Variants in SYNE2 observed in about 807,000 individuals in gnomAD.
SYNE2 encodes spectrin repeat containing nuclear envelope protein 2.
Under a neutral mutation model 856.3 loss-of-function variants are expected in SYNE2, and 431 were observed. The observed-to-expected ratio is 0.50, with a 90% CI of 0.47 to 0.55. The LOEUF is 0.55. Among genes scored for constraint, SYNE2 ranks in the 20% least tolerant of loss-of-function variants. SYNE2 has a pLI of 0.00. For missense variants in SYNE2, 8,129 were observed against 8,023.2 expected (o/e 1.01, Z -0.50); for synonymous variants, 2,923 against 2,872.3 (o/e 1.02, Z -0.56).
intron 73 of SYNE2, among the ~76,000 whole-genome samples, chr14:64,128,218 C>G (rs2153675033): frequency 6.6e-6 from 1 of 151,778 alleles, no homozygotes; most frequent in South Asian, 2.1e-4. Context: ...TTCAAAATAG[C>G]CTGAAGGAAA....
chr14:63,883,384 G>T (rs1305446202), intron 1 of SYNE2, among the ~76,000 whole-genome samples: 1 of 151,610 alleles, frequency 6.6e-6, no homozygotes, highest in East Asian at 1.9e-4. Context: ...TAAAGTCAGG[G>T]TCTCGCTCTG....
intron 106 of SYNE2, 179 bp downstream of exon 106, chr14:64,214,649 C>T: frequency 4.7e-6 from 3 of 636,670 alleles, no homozygotes; most frequent in East Asian, 2.7e-5. Context: ...GGCTCACTCT[C>T]ATCACAGGTG....
Position 64,221,590 on chromosome 14 carries a change from G to A in SYNE2, c.20076G>A (p.Leu6692=). The A allele has an allele frequency of 6.2e-7, 1 of 1,614,178 alleles. No individual in the cohort carries two copies. Among genetic ancestry groups the A allele is most frequent in the South Asian group, 1.1e-5 (1 of 91,076 alleles). The change falls in exon 112 of 116, where the codon TTG becomes TTA. Residue 6692 remains leucine (L), a synonymous_variant. Transcript: ENST00000555002. ...TGTTTTTTAAGGACTTCCACCAGTT[G>A]AGTCAAAATCTGCTGCTGTGGTTAG... The part of the protein sequence containing the change: ...SLMQCQDFHQ[L]SQNLLLWLAS...
chr14:64,037,825 G>A (rs535197671), intron 45 of SYNE2, among the ~76,000 whole-genome samples: 35 of 148,540 alleles, frequency 2.4e-4, no homozygotes, highest in East Asian at 1.5e-3. Context: ...CGGACGGGGC[G>A]GCTGGCTGGG....
chr14:63,810,514 G>T (rs1000462044), intron 1 of SYNE2, among the ~76,000 whole-genome samples: 31 of 152,070 alleles, frequency 2.0e-4, no homozygotes, highest in African/African-American at 7.5e-4. Flanking sequence ...GAAAACTTGG[G>T]ATCATACCAC....
chr14:63,911,797 A>G (rs1425732656), intron 2 of SYNE2, among the ~76,000 whole-genome samples: 1 of 152,226 alleles, frequency 6.6e-6, no homozygotes, highest in Admixed American at 6.5e-5. Context: ...GGCATCTTTA[A>G]GTAATATTAG....
At chr14:63,882,143 TGTG>T (rs1187588278) in intron 1 of SYNE2, among the ~76,000 whole-genome samples, 1 of 152,140 alleles carries the variant, frequency 6.6e-6, no homozygotes, top group Non-Finnish European at 1.5e-5. Flanking sequence ...GCCGCCTGCT[TGTG>T]GTCATGGTAT....
Position 64,024,257 on chromosome 14 carries a change from G to T in SYNE2, c.5638G>T (p.Asp1880Tyr). The change falls in exon 39 of 116, where the codon GAT becomes TAT. Residue 1880 changes from aspartate to tyrosine, a missense_variant and splice_region_variant. Physicochemically the swap from Asp to Tyr is radical, Grantham distance 160. This residue lies in a region of SYNE2 where 2,422 missense variants were observed against 2,357.4 expected (regional missense o/e 1.03). Coordinates refer to ENST00000555002, the MANE Select transcript of SYNE2 (RefSeq NM_182914.3). ...SVEQKLQKLS[D>Y]FLTLEGRNSK... ...TAATGGACTTTTTGTCTTTCTGAAG[G>T]ATTTCTTGACTCTTGAAGGAAGAAA... 1 of 1,613,778 alleles carries T rather than the reference G, an allele frequency of 6.2e-7. No individual in the cohort carries two copies. Among genetic ancestry groups the T allele is most frequent in the South Asian group, 1.1e-5 (1 of 90,962 alleles).
At chr14:63,949,253 G>C (rs934572964) in intron 6 of SYNE2, among the ~76,000 whole-genome samples, 1 of 151,790 alleles carries the variant, frequency 6.6e-6, no homozygotes, top group African/African-American at 2.4e-5. Flanking sequence ...ACCATCACTG[G>C]GTATTGCCTT....
At chr14:63,778,972 C>T (rs1394176099) in intron 1 of SYNE2, among the ~76,000 whole-genome samples, 1 of 151,870 alleles carries the variant, frequency 6.6e-6, no homozygotes, top group East Asian at 1.9e-4. Context: ...TAAGCACATA[C>T]AATTTTATTT....
chr14:63,975,384 G>A (rs1035636368), intron 11 of SYNE2, among the ~76,000 whole-genome samples: 2 of 152,178 alleles, frequency 1.3e-5, no homozygotes, highest in African/African-American at 4.8e-5. Context: ...CCAGGCTGGA[G>A]TGCAGTGGCA....
At chr14:63,814,506 A>ACCT (rs1888765646) in intron 1 of SYNE2, among the ~76,000 whole-genome samples, 3 of 112,130 alleles carry the variant, frequency 2.7e-5, no homozygotes, top group South Asian at 2.9e-4. Context: ...CATATATATA[A>ACCT]TATATATATC....
chr14:63,882,208 A>G (rs2094881087), intron 1 of SYNE2, among the ~76,000 whole-genome samples: 1 of 152,192 alleles, frequency 6.6e-6, no homozygotes, highest in Non-Finnish European at 1.5e-5. Context: ...ATCCTGACAA[A>G]TGTCAACTTG....
intron 45 of SYNE2, chr14:64,034,450 T>G (rs2097069464): frequency 4.3e-6 from 2 of 460,208 alleles, no homozygotes; most frequent in Admixed American, 3.7e-5. Flanking sequence ...TTAGAAAGTT[T>G]TTATTTCTTT....
In SYNE2 at chr14:64,114,778, C is replaced by T. The variant is rs144360128; in HGVS notation, c.12840+1207C>T. Among the ~76,000 whole-genome samples the T allele has an allele frequency of 2.4e-4, 36 of 152,116 alleles. 1 individual carries two copies. The South Asian group carries it at 6.2e-3, about 26-fold the overall frequency. ...GACTACAGCCCTGCACCACCACACC[C>T]GGCTACTTTTTGTATTTTTTTGTAG... On this transcript the variant is annotated intron_variant, in intron 66 of 115. Transcript: ENST00000555002.
intron 83 of SYNE2, among the ~76,000 whole-genome samples, chr14:64,145,395 C>T (rs2098174413): frequency 6.6e-6 from 1 of 151,548 alleles, no homozygotes; most frequent in African/African-American, 2.4e-5. Flanking sequence ...GTAATCCCTG[C>T]TACTAGGGAG....
chr14:64,170,370 T>A lies in SYNE2; in HGVS notation c.17143T>A (p.Phe5715Ile), dbSNP rs758472358. The change falls in exon 94 of 116, where the codon TTC becomes ATC. Residue 5715 changes from phenylalanine (F) to isoleucine (I), a missense_variant. Physicochemically the swap from Phe to Ile is conservative, Grantham distance 21. Transcript: ENST00000555002. ...TACTTCTGTGGAGAACTTGTTTCGC[T>A]TCCTCACTGACACCAGCCACCTGCT... ...FTTSVENLFR[F>I]LTDTSHLLSA... 1 of 1,614,064 alleles carries A rather than the reference T, an allele frequency of 6.2e-7. No homozygotes were observed. Among genetic ancestry groups the A allele is most frequent in the Non-Finnish European group, 8.5e-7 (1 of 1,180,038 alleles).
rs907771812 is a variant in SYNE2, at chr14:64,143,960, C to T, written c.15483+12C>T. On this transcript the variant is annotated intron_variant, in intron 83 of 115. Transcript: ENST00000555002. ...TGCTGAATAGAAAGGTGTGTTCCTG[C>T]GTCACAACTGGATGTGTGGTTTGAC... The T allele has an allele frequency of 5.0e-6, 8 of 1,613,862 alleles. No individual in the cohort carries two copies. In the African/African-American group the frequency reaches 5.3e-5, roughly 11 times the overall value.
chr14:63,774,286 T>C (rs1300479286), intron 1 of SYNE2, among the ~76,000 whole-genome samples: 2 of 151,980 alleles, frequency 1.3e-5, no homozygotes, highest in East Asian at 3.9e-4. Flanking sequence ...CTGGCCAACA[T>C]GGTGAAACCC....
Sources: allele counts gnomAD v4.1 joint callset (sites outside exome capture counted in the v4.1 genomes callset), GRCh38; gene constraint gnomAD v4.1.1; regional missense constraint gnomAD v4.1.1; transcripts MANE v1.5; gene names NCBI Gene and HGNC (gene_info 2026-07-23, HGNC 2026-07-21).